PSORS1C2: variants seen among roughly 807,000 people sequenced by gnomAD.
The protein encoded by PSORS1C2 is psoriasis susceptibility 1 candidate gene 2 protein.
Under a neutral mutation model 12.2 loss-of-function variants are expected in PSORS1C2, and 13 were observed. The observed-to-expected ratio is 1.07, with a 90% CI of 0.70 to 1.70. The LOEUF (loss-of-function observed/expected upper bound fraction) is 1.70, where lower values mean the gene tolerates loss of function less well. Ranked by LOEUF, PSORS1C2 falls within the 40% of genes most tolerant of loss-of-function variation. The pLI, the probability that PSORS1C2 is intolerant of heterozygous loss-of-function variation, is 0.00. For missense variants in PSORS1C2, 186 were observed against 173.4 expected (o/e 1.07, Z -0.41); for synonymous variants, 76 against 69.2 (o/e 1.10, Z -0.49).
chr6:31,138,809 G>GT, intron 1 of PSORS1C2, 163 bp downstream of exon 1: 1 of 1,613,798 alleles, frequency 6.2e-7, no homozygotes, highest in Non-Finnish European at 8.5e-7. Context: ...TCTGCACCAT[G>GT]TCCCCCACCC....
Position 31,138,135 on chromosome 6 carries a change from AG to A in PSORS1C2, c.226del (p.Leu76CysfsTer53). 4 of 1,606,092 alleles carry A rather than the reference AG, an allele frequency of 2.5e-6. No individual in the cohort carries two copies. The highest frequency in any genetic ancestry group is 3.4e-6 in the Non-Finnish European group (4 of 1,177,078). On this transcript the variant is annotated frameshift_variant, in exon 2 of 2. Transcript: ENST00000259845. LOFTEE classifies it high-confidence loss of function. ...PTRPSRPWRD[L>X]PETGVWLPEP... The stretch of plus-strand genomic sequence containing the variant: ...AGGGAGCCAGACTCCAGTTTCAGGC[AG>A]GTCTCTCCAGGGACGACTGGGGCGG...
Position 31,138,653 on chromosome 6 carries a change from C to CA in PSORS1C2, c.55+318dup, listed in dbSNP as rs747723698. 1.7e-5 allele frequency: 28 copies of CA among 1,613,100 alleles called. 1 individual carries two copies. The highest frequency in any genetic ancestry group is 1.6e-4 in the Middle Eastern group (1 of 6,084). ...CCAAAGTGGGTTACACCTTGGCCCC[C>CA]AGGCACACAGACCCCAGCTTTACAA... is the stretch of plus-strand genomic sequence containing the variant. On this transcript the variant is annotated intron_variant, in intron 1 of 1. Coordinates refer to ENST00000259845, the MANE Select transcript of PSORS1C2 (RefSeq NM_014069.3).
chr6:31,138,730 C>CA (rs1554119058), intron 1 of PSORS1C2: 10 of 1,611,926 alleles, frequency 6.2e-6, no homozygotes, highest in South Asian at 1.1e-5. Context: ...TCGTCCCCCC[C>CA]ACGTTAATCC....
Position 31,138,137 on chromosome 6 carries a change from G to A in PSORS1C2, c.225C>T (p.Asp75=). The A allele has an allele frequency of 6.2e-7, 1 of 1,606,316 alleles. No individual in the cohort carries two copies. The highest frequency in any genetic ancestry group is 8.5e-7 in the Non-Finnish European group (1 of 1,177,192). Residue 75 remains aspartate (D), a synonymous_variant, in exon 2 of 2, where the codon GAC becomes GAT. Transcript: ENST00000259845. ...PPTRPSRPWR[D]LPETGVWLPE... is the part of the protein sequence containing the mutation. ...GGAGCCAGACTCCAGTTTCAGGCAG[G>A]TCTCTCCAGGGACGACTGGGGCGGG...
Position 31,139,048 on chromosome 6 carries a change from G to C in PSORS1C2, c.-22C>G, listed in dbSNP as rs765661196. The C allele has an allele frequency of 6.2e-7, 1 of 1,612,638 alleles. No individual in the cohort carries two copies. Among genetic ancestry groups the C allele is most frequent in the Non-Finnish European group, 8.5e-7 (1 of 1,178,742 alleles). ...TCATGGCTATGTACTGGCCCCCAAA[G>C]CTGGGGTGGGCTGAGTCTGGGTGCC... On this transcript the variant is annotated 5_prime_UTR_variant, in exon 1 of 2. Transcript: ENST00000259845. The surrounding 1 kb of genome is among the most constrained non-coding windows in gnomAD (Gnocchi z 5.2).
At position 31,138,730 on chromosome 6, in the gene PSORS1C2, C is replaced by G. The variant is rs145912990; in HGVS notation, c.55+242G>C. ...CAGCTCCGAGGAAACTCGTCCCCCC[C>G]ACGTTAATCCTGACCGACTTTGCCA... On this transcript the variant is annotated intron_variant, in intron 1 of 1. Coordinates refer to ENST00000259845, the MANE Select transcript of PSORS1C2 (RefSeq NM_014069.3). 55 of 1,611,926 alleles carry G rather than the reference C, an allele frequency of 3.4e-5. No homozygotes were observed. The African/African-American group carries it at 5.4e-4, about 16-fold the overall frequency.
In PSORS1C2 at chr6:31,137,614, T is replaced by G; in HGVS notation, c.*337A>C. 1 of 322,040 alleles carries G rather than the reference T, an allele frequency of 3.1e-6. No homozygotes were observed. Among genetic ancestry groups the G allele is most frequent in the East Asian group, 4.8e-5 (1 of 20,762 alleles). The allele number at this position is 322,040 out of a possible 1,614,324, so 19.9% of individuals were successfully genotyped here. On this transcript the variant is annotated 3_prime_UTR_variant, in exon 2 of 2. Coordinates refer to ENST00000259845, the MANE Select transcript of PSORS1C2 (RefSeq NM_014069.3). Reference sequence around the variant, plus strand: ...ATAGTTCCTGCCGCCGGCCACCAGGTGGCAGAAGGGAACACAGTACCATAG... The same window carrying G: ...ATAGTTCCTGCCGCCGGCCACCAGGGGGCAGAAGGGAACACAGTACCATAG...
Position 31,138,712 on chromosome 6 carries a change from G to A in PSORS1C2, c.55+260C>T, listed in dbSNP as rs1265096. On this transcript the variant is annotated intron_variant, in intron 1 of 1. Coordinates refer to ENST00000259845, the MANE Select transcript of PSORS1C2 (RefSeq NM_014069.3). ...GCTCCTTAACACAGATCCCAGCTCCGAGGAAACTCGTCCCCCCCACGTTAA... is the reference window on the plus strand; with the variant it reads ...GCTCCTTAACACAGATCCCAGCTCCAAGGAAACTCGTCCCCCCCACGTTAA... The A allele has an allele frequency of 0.058, 92,702 of 1,603,722 alleles. 3,521 individuals carry two copies. Among genetic ancestry groups the A allele is most frequent in the Non-Finnish European group, 0.069 (81,127 of 1,176,598 alleles).
At chr6:31,138,511 C>T (rs1279019426) in intron 1 of PSORS1C2, 2 of 1,606,758 alleles carry the variant, frequency 1.2e-6, no homozygotes, top group South Asian at 1.1e-5. Context: ...CCCCTACCCC[C>T]GATGGATCTG....
At position 31,138,405 on chromosome 6, in the gene PSORS1C2, G is replaced by A. The variant is rs374919752; in HGVS notation, c.56-99C>T. On this transcript the variant is annotated intron_variant, in intron 1 of 1. Transcript: ENST00000259845. ...GGAGGAGGAGCCTGTCTGGATGGAC[G>A]CAGCCTGAACTGACCCACAAACAGA... 109 of 1,597,340 alleles carry A rather than the reference G, an allele frequency of 6.8e-5. 1 individual carries two copies. The highest frequency in any genetic ancestry group is 5.0e-4 in the Admixed American group (30 of 59,426).
At chr6:31,138,358 G>GC in intron 1 of PSORS1C2, 52 bp from the exon 2 acceptor site, 6 of 1,487,894 alleles carry the variant, frequency 4.0e-6, no homozygotes, top group Non-Finnish European at 5.6e-6. Flanking sequence ...TCTCTCCCCA[G>GC]CCCCACCCAG....
Position 31,137,605 on chromosome 6 carries a change from G to A in PSORS1C2, c.*346C>T, listed in dbSNP as rs1773207186. 3.1e-6 allele frequency: 1 copy of A among 317,836 alleles called. No homozygotes were observed. Among genetic ancestry groups the A allele is most frequent in the African/African-American group, 2.1e-5 (1 of 47,130 alleles). 19.7% of individuals were successfully genotyped at this position (317,836 alleles called of 1,614,324 possible). A position where few individuals can be genotyped will look rare whatever the true frequency, so the allele number is the denominator to read the frequency against. On this transcript the variant is annotated 3_prime_UTR_variant, in exon 2 of 2. Transcript: ENST00000259845. ...TGTCTACTGATAGTTCCTGCCGCCG[G>A]CCACCAGGTGGCAGAAGGGAACACA...
chr6:31,137,862 A>C lies in PSORS1C2; in HGVS notation c.*89T>G, dbSNP rs1424111913. 2 of 592,382 alleles carry C rather than the reference A, an allele frequency of 3.4e-6. No homozygotes were observed. Among genetic ancestry groups the C allele is most frequent in the Non-Finnish European group, 5.6e-6 (2 of 355,436 alleles). 36.7% of individuals were successfully genotyped at this position (592,382 alleles called of 1,614,324 possible). A position where few individuals can be genotyped will look rare whatever the true frequency, so the allele number is the denominator to read the frequency against. Reference sequence around the variant, plus strand: ...AGGAAGAGGTTTAAGGAGACAGGCTAAATTGGGAAGAATTCACGGGGAATC... The same window carrying C: ...AGGAAGAGGTTTAAGGAGACAGGCTCAATTGGGAAGAATTCACGGGGAATC... On this transcript the variant is annotated 3_prime_UTR_variant, in exon 2 of 2. Coordinates refer to ENST00000259845, the MANE Select transcript of PSORS1C2 (RefSeq NM_014069.3).
chr6:31,138,073 G>T lies in PSORS1C2; in HGVS notation c.289C>A (p.Pro97Thr). 1 of 1,562,412 alleles carries T rather than the reference G, an allele frequency of 6.4e-7. No individual in the cohort carries two copies. Among genetic ancestry groups the T allele is most frequent in the South Asian group, 1.2e-5 (1 of 83,222 alleles). The change falls in exon 2 of 2, where the codon CCT becomes ACT. Residue 97 changes from proline (P) to threonine (T), a missense_variant. By Grantham distance (38) the Pro-to-Thr change is conservative. Transcript: ENST00000259845. ...GGTCCTGCCGGCCAAGGGTCGTCAG[G>T]CCGGGGAGGTTGAGGAGGATCCGTT... ...PRTDPPQPPR[P>T]DDPWPAGPQP... is the part of the protein sequence containing the mutation.
chr6:31,138,993 C>A lies in PSORS1C2; in HGVS notation c.34G>T (p.Val12Phe). Residue 12 changes from valine to phenylalanine, a missense_variant, in exon 1 of 2, where the codon GTC (valine) becomes TTC (phenylalanine). Coordinates refer to ENST00000259845, the MANE Select transcript of PSORS1C2 (RefSeq NM_014069.3). The part of the protein sequence containing the change: ...ILNWKLLGIL[V>F]LCLHTRGISG... The stretch of plus-strand genomic sequence containing the variant: ...TCACCTCTGGTGTGCAGGCAAAGGA[C>A]CAGGATCCCCAGGAGCTTCCAGTTG... 1 of 1,614,116 alleles carries A rather than the reference C, an allele frequency of 6.2e-7. No homozygotes were observed. Among genetic ancestry groups the A allele is most frequent in the Non-Finnish European group, 8.5e-7 (1 of 1,179,990 alleles).
rs532054080 is a variant in PSORS1C2 at position 31,138,193 on chromosome 6, C to A, written c.169G>T (p.Ala57Ser). 1.1e-5 allele frequency: 17 copies of A among 1,576,192 alleles called. No homozygotes were observed. In the South Asian group the frequency reaches 1.9e-4, roughly 18 times the overall value. The change falls in exon 2 of 2, where the codon GCA (alanine) becomes TCA (serine). Residue 57 changes from alanine to serine, a missense_variant. By Grantham distance (99) the Ala-to-Ser change is moderately conservative. Coordinates refer to ENST00000259845, the MANE Select transcript of PSORS1C2 (RefSeq NM_014069.3). ...PPVPGDPWPG[A>S]PPLFEDPPPT... is the part of the protein sequence containing the mutation. ...GGAGGATCTTCAAAGAGAGGGGGTG[C>A]CCCTGGCCAAGGGTCACCGGGGACT...
Position 31,137,726 on chromosome 6 carries a change from A to T in PSORS1C2, c.*225T>A, listed in dbSNP as rs1233984171. On this transcript the variant is annotated 3_prime_UTR_variant, in exon 2 of 2. Coordinates refer to ENST00000259845, the MANE Select transcript of PSORS1C2 (RefSeq NM_014069.3). ...GGAGGCGAGGTAGGAGAGTAGGCTT[A>T]GGCTGTCAGAGGAAAAAACGGGCGA... 1 of 398,214 alleles carries T rather than the reference A, an allele frequency of 2.5e-6. No individual in the cohort carries two copies. Among genetic ancestry groups the T allele is most frequent in the African/African-American group, 2.1e-5 (1 of 48,536 alleles). 24.7% of individuals were successfully genotyped at this position (398,214 alleles called of 1,614,324 possible). A position where few individuals can be genotyped will look rare whatever the true frequency, so the allele number is the denominator to read the frequency against.
Position 31,138,079 on chromosome 6 carries a change from G to A in PSORS1C2, c.283C>T (p.Pro95Ser). 3.8e-6 allele frequency: 6 copies of A among 1,569,420 alleles called. No individual in the cohort carries two copies. The highest frequency in any genetic ancestry group is 5.2e-6 in the Non-Finnish European group (6 of 1,159,348). The change falls in exon 2 of 2, where the codon CCC (proline) becomes TCC (serine). Residue 95 changes from proline to serine, a missense_variant. Physicochemically the swap from Pro to Ser is moderately conservative, Grantham distance 74 (BLOSUM62 -1). Transcript: ENST00000259845. ...EPPRTDPPQP[P>S]RPDDPWPAGP... is the part of the protein sequence containing the mutation. ...GCCGGCCAAGGGTCGTCAGGCCGGG[G>A]AGGTTGAGGAGGATCCGTTCTAGGC...
chr6:31,138,028 AG>A lies in PSORS1C2; in HGVS notation c.333del (p.Trp112GlyfsTer17), dbSNP rs765219984. On this transcript the variant is annotated frameshift_variant, in exon 2 of 2. Transcript: ENST00000259845. LOFTEE classifies it high-confidence loss of function. Reference sequence around the variant, plus strand: ...TTGTCCACCTCAGGGGCAGGAGGCCAGGGGTTTTCTGGGGGCTGGGGTCCTG... The same window carrying A: ...TTGTCCACCTCAGGGGCAGGAGGCCAGGGTTTTCTGGGGGCTGGGGTCCTG... ...WPAGPQPPEN[P>X]WPPAPEVDNR... The A allele has an allele frequency of 2.6e-6, 4 of 1,528,174 alleles. No homozygotes were observed. Among genetic ancestry groups the A allele is most frequent in the Admixed American group, 2.2e-5 (1 of 45,852 alleles). 94.7% of individuals were successfully genotyped at this position (1,528,174 alleles called of 1,614,324 possible).
Sources: gnomAD v4.1 joint callset for allele counts on GRCh38, gnomAD v4.1.1 for gene constraint, Gnocchi (gnomAD v3.1) non-coding constraint, MANE v1.5 for transcripts, NCBI Gene and HGNC (gene_info 2026-07-23, HGNC 2026-07-21) for gene names.